CCDC15: variants seen among roughly 807,000 people sequenced by gnomAD.
CCDC15 encodes the protein coiled-coil domain containing 15.
CCDC15 carries 105 observed loss-of-function variants against 114.5 expected under a neutral mutation model. The ratio of observed to expected loss-of-function variants is 0.92; its 90% confidence interval spans 0.78 to 1.08. The LOEUF (loss-of-function observed/expected upper bound fraction) is 1.08. Ranked by LOEUF, CCDC15 falls within the 50% of genes least tolerant of loss-of-function variation. The pLI, the probability that CCDC15 is intolerant of heterozygous loss-of-function variation, is 0.00. For missense variants in CCDC15, 1,105 were observed against 1,093.6 expected, an observed-to-expected ratio of 1.01 and a Z score of -0.15; for synonymous variants, 334 against 377.8, an observed-to-expected ratio of 0.88 and a Z score of 1.34.
chr11:124,956,731 T>C (rs543265738), intron 2 of CCDC15, among the ~76,000 whole-genome samples: 1 of 152,374 alleles, frequency 6.6e-6, no homozygotes, highest in African/African-American at 2.4e-5. Flanking sequence ...TAAAAATTTC[T>C]GATCAGTTCC....
chr11:125,016,290 T>G (rs1396210819), intron 13 of CCDC15, among the ~76,000 whole-genome samples: 2 of 151,334 alleles, frequency 1.3e-5, no homozygotes, highest in African/African-American at 2.4e-5. Context: ...GTGTATGTTT[T>G]TTTCCTCACA....
chr11:124,956,080 G>T (rs1947544078), intron 2 of CCDC15, among the ~76,000 whole-genome samples: 1 of 152,036 alleles, frequency 6.6e-6, no homozygotes, highest in South Asian at 2.1e-4. Flanking sequence ...GTAGGAGAAT[G>T]GTTGCTGACA....
chr11:125,011,686 G>C (rs1248646879), intron 13 of CCDC15, among the ~76,000 whole-genome samples: 1 of 152,138 alleles, frequency 6.6e-6, no homozygotes, highest in East Asian at 1.9e-4. Flanking sequence ...ACTGATTTAA[G>C]CCTGCCTCTA....
chr11:124,964,805 G>A (rs141583649), intron 4 of CCDC15, among the ~76,000 whole-genome samples: 1 of 152,130 alleles, frequency 6.6e-6, no homozygotes, highest in Non-Finnish European at 1.5e-5. Context: ...ATTATTTTGA[G>A]ATATGCCCCA....
rs757499277 is a variant in CCDC15, at chr11:124,992,601, G to A, written c.2053G>A (p.Glu685Lys). Reference protein sequence around the residue: ...KNQQPASFMREERVREELPLD... With the variant: ...KNQQPASFMRKERVREELPLD... The stretch of plus-strand genomic sequence containing the variant: ...CAAGCAACCTGCATCTTTTATGAGA[G>A]AAGAAAGAGTGAGAGAAGAATTGCC... The change falls in exon 10 of 16, where the codon GAA becomes AAA. Residue 685 changes from glutamate (E) to lysine (K), a missense_variant. By Grantham distance (56) the Glu-to-Lys change is moderately conservative (BLOSUM62 1). Coordinates refer to ENST00000344762, the MANE Select transcript of CCDC15 (RefSeq NM_025004.3). 107 of 1,597,060 alleles carry A rather than the reference G, an allele frequency of 6.7e-5. No homozygotes were observed. Among genetic ancestry groups the A allele is most frequent in the Admixed American group, 4.7e-4 (27 of 57,892 alleles).
intron 13 of CCDC15, among the ~76,000 whole-genome samples, chr11:125,025,532 G>A (rs996038482): frequency 2.0e-5 from 3 of 151,670 alleles, no homozygotes; most frequent in Non-Finnish European, 4.4e-5. Context: ...GAATTTGGCA[G>A]TGAATCCATC....
chr11:124,969,564 C>T (rs1470138159), intron 4 of CCDC15, among the ~76,000 whole-genome samples: 1 of 152,104 alleles, frequency 6.6e-6, no homozygotes, highest in African/African-American at 2.4e-5. Context: ...CTTTTACTAT[C>T]TTATTTCTAT....
chr11:125,005,275 A>T, intron 13 of CCDC15, 63 bp downstream of exon 13: 1 of 714,082 alleles, frequency 1.4e-6, no homozygotes. Flanking sequence ...TGGAAGATGA[A>T]CTTTAGAAAA....
chr11:125,037,136 T>C (rs1290859922), intron 13 of CCDC15, among the ~76,000 whole-genome samples: 1 of 152,226 alleles, frequency 6.6e-6, no homozygotes, highest in African/African-American at 2.4e-5. Context: ...TTGCTGGATG[T>C]CTTTACATTA....
chr11:124,964,023 C>A (rs925804197), intron 4 of CCDC15, among the ~76,000 whole-genome samples: 3 of 152,162 alleles, frequency 2.0e-5, no homozygotes, highest in Admixed American at 6.5e-5. Flanking sequence ...GTACCAGTAC[C>A]ATGCTGTTTT....
intron 2 of CCDC15, 87 bp from the exon 3 acceptor site, chr11:124,959,028 C>T (rs1031650123): frequency 4.8e-6 from 4 of 834,476 alleles, no homozygotes; most frequent in Admixed American, 3.8e-5. Flanking sequence ...GGATTGTATC[C>T]TTATCCTGAC....
chr11:124,956,922 T>G (rs920824820), intron 2 of CCDC15, among the ~76,000 whole-genome samples: 3 of 152,214 alleles, frequency 2.0e-5, no homozygotes, highest in Non-Finnish European at 2.9e-5. Context: ...CTACTCATTT[T>G]TCTCCCCAAA....
At chr11:124,998,289 A>G (rs1208323771) in intron 11 of CCDC15, among the ~76,000 whole-genome samples, 1 of 152,156 alleles carries the variant, frequency 6.6e-6, no homozygotes, top group Non-Finnish European at 1.5e-5. Flanking sequence ...TATGAGAAAT[A>G]ATTATCCTGT....
At position 125,026,912 on chromosome 11, in the gene CCDC15, A is replaced by G. The variant is rs182858507; in HGVS notation, c.2412-11519A>G. ...CTTCCCACTCTTCCCCCAAAGCCCC[A>G]GAAGTCCATTCTATTATTCTTACAC... On this transcript the variant is annotated intron_variant, in intron 13 of 15. Coordinates refer to ENST00000344762, the MANE Select transcript of CCDC15 (RefSeq NM_025004.3). Among the ~76,000 whole-genome samples, 122 of 152,208 alleles carry G rather than the reference A, an allele frequency of 8.0e-4. 2 individuals are homozygous for G. The highest frequency in any genetic ancestry group is 3.5e-3 in the Admixed American group (54 of 15,288).
intron 5 of CCDC15, among the ~76,000 whole-genome samples, chr11:124,976,075 A>G (rs1428215688): frequency 6.6e-6 from 1 of 151,836 alleles, no homozygotes; most frequent in East Asian, 1.9e-4. Context: ...AAAATAGACC[A>G]TTAATTTATT....
At chr11:124,982,058 T>G (rs1948081432) in intron 6 of CCDC15, among the ~76,000 whole-genome samples, 1 of 152,226 alleles carries the variant, frequency 6.6e-6, no homozygotes, top group Non-Finnish European at 1.5e-5. Context: ...TCTTTGTCTT[T>G]TTTTAAATTG....
chr11:125,034,133 T>C (rs1372587982), intron 13 of CCDC15, among the ~76,000 whole-genome samples: 1 of 152,206 alleles, frequency 6.6e-6, no homozygotes, highest in Non-Finnish European at 1.5e-5. Context: ...GCACAGGGTT[T>C]ATCCCCTCAG....
chr11:125,027,681 G>T (rs916266676), intron 13 of CCDC15, among the ~76,000 whole-genome samples: 2 of 151,798 alleles, frequency 1.3e-5, no homozygotes, highest in Admixed American at 6.6e-5. Flanking sequence ...CACTCTGTGG[G>T]TTGTCTGTTT....
intron 13 of CCDC15, among the ~76,000 whole-genome samples, chr11:125,022,919 A>G (rs1285469459): frequency 1.3e-5 from 2 of 151,880 alleles, no homozygotes; most frequent in Non-Finnish European, 2.9e-5. Flanking sequence ...TGATTTTCTC[A>G]CTGAACTGCT....
Sources: allele counts gnomAD v4.1 joint callset (sites outside exome capture counted in the v4.1 genomes callset), GRCh38; gene constraint gnomAD v4.1.1; transcripts MANE v1.5; gene names NCBI Gene and HGNC (gene_info 2026-07-23, HGNC 2026-07-21).